Variants in EXOC4 observed in about 807,000 individuals in gnomAD.
The protein encoded by EXOC4 is SEC8-like 1.
EXOC4 carries 71 observed loss-of-function variants against 107.2 expected under a neutral mutation model. That is an observed-to-expected ratio of 0.66 (90% CI 0.55 to 0.81). The LOEUF (loss-of-function observed/expected upper bound fraction) is 0.81, where lower values mean the gene tolerates loss of function less well. Ranked by LOEUF, EXOC4 falls within the 30% of genes least tolerant of loss-of-function variation. The pLI is 0.00. For synonymous variants in EXOC4, 456 were observed against 441.2 expected (o/e 1.03, Z -0.42); for missense variants, 1,108 against 1,189.6 (o/e 0.93, Z 1.01).
intron 9 of EXOC4, among the ~76,000 whole-genome samples, chr7:133,531,596 A>C (rs1397287400): frequency 6.6e-6 from 1 of 152,142 alleles, no homozygotes; most frequent in East Asian, 1.9e-4. Flanking sequence ...TTGCAAGCAG[A>C]TTTACCACAG....
chr7:133,451,008 C>T (rs1310507302), intron 7 of EXOC4, among the ~76,000 whole-genome samples: 2 of 152,152 alleles, frequency 1.3e-5, no homozygotes, highest in African/African-American at 4.8e-5. Context: ...AACGGTTGCT[C>T]ACTTTGGTTT....
chr7:133,899,270 G>A (rs115630383), intron 12 of EXOC4, among the ~76,000 whole-genome samples: 202 of 152,166 alleles, frequency 1.3e-3, no homozygotes, highest in African/African-American at 4.5e-3. Flanking sequence ...ACTGATAGCC[G>A]TTTATATTGT....
intron 7 of EXOC4, among the ~76,000 whole-genome samples, chr7:133,467,063 C>A (rs1029745673): frequency 5.3e-5 from 8 of 152,230 alleles, no homozygotes; most frequent in African/African-American, 1.9e-4. Context: ...TTAACCTATT[C>A]ACATTATGTA....
At chr7:133,318,144 G>A (rs992817151) in intron 5 of EXOC4, among the ~76,000 whole-genome samples, 2 of 152,200 alleles carry the variant, frequency 1.3e-5, no homozygotes, top group Admixed American at 1.3e-4. Flanking sequence ...ACTTCTAAAT[G>A]TGCATGCATC....
At chr7:133,723,742 C>T (rs374222327) in intron 10 of EXOC4, among the ~76,000 whole-genome samples, 92 of 152,206 alleles carry the variant, frequency 6.0e-4, no homozygotes, top group Middle Eastern at 3.4e-3. Context: ...GTACATGCCT[C>T]GGCCTCCCAA....
At chr7:133,837,277 T>A (rs1340250362) in intron 11 of EXOC4, among the ~76,000 whole-genome samples, 1 of 152,190 alleles carries the variant, frequency 6.6e-6, no homozygotes, top group East Asian at 1.9e-4. Flanking sequence ...ACTTGTGACA[T>A]GTCTTTGCAC....
At chr7:133,862,667 A>G (rs955443789) in intron 11 of EXOC4, among the ~76,000 whole-genome samples, 62 of 152,204 alleles carry the variant, frequency 4.1e-4, no homozygotes, top group African/African-American at 1.4e-3. Context: ...GGTTTTTAGG[A>G]TGTCTACAAG....
chr7:133,959,298 G>C (rs1216331979), intron 14 of EXOC4, among the ~76,000 whole-genome samples: 1 of 152,068 alleles, frequency 6.6e-6, no homozygotes, highest in Non-Finnish European at 1.5e-5. Context: ...AATATCCCTA[G>C]AAGAAATAAG....
intron 9 of EXOC4, among the ~76,000 whole-genome samples, chr7:133,587,602 C>T (rs1017672017): frequency 6.6e-6 from 1 of 152,128 alleles, no homozygotes; most frequent in East Asian, 1.9e-4. Flanking sequence ...GGAAAATGCC[C>T]AAGTTTTAAC....
intron 10 of EXOC4, among the ~76,000 whole-genome samples, chr7:133,691,896 C>T (rs1794428250): frequency 6.6e-6 from 1 of 152,168 alleles, no homozygotes; most frequent in Non-Finnish European, 1.5e-5. Flanking sequence ...AGGAAGCCTT[C>T]ACATGGAAAA....
At chr7:133,263,109 G>A (rs1305974848) in intron 1 of EXOC4, among the ~76,000 whole-genome samples, 2 of 152,156 alleles carry the variant, frequency 1.3e-5, no homozygotes, top group East Asian at 1.9e-4. Flanking sequence ...GGCCTCCTCA[G>A]CCATGCTGAA....
intron 9 of EXOC4, among the ~76,000 whole-genome samples, chr7:133,525,347 A>G (rs1323039490): frequency 6.6e-6 from 1 of 152,170 alleles, no homozygotes; most frequent in African/African-American, 2.4e-5. Flanking sequence ...CTTAGGTTTT[A>G]TTGTAATTTT....
intron 10 of EXOC4, among the ~76,000 whole-genome samples, chr7:133,699,635 T>G (rs1312681620): frequency 6.6e-6 from 1 of 152,186 alleles, no homozygotes; most frequent in Non-Finnish European, 1.5e-5. Context: ...TAATTCCTGT[T>G]GTCAAGCAAA....
At chr7:133,401,644 C>A (rs1443118367) in intron 7 of EXOC4, among the ~76,000 whole-genome samples, 1 of 143,678 alleles carries the variant, frequency 7.0e-6, no homozygotes, top group East Asian at 2.1e-4. Context: ...CCTGGGTGAC[C>A]CTGTCTTAAA....
At chr7:133,281,944 C>G (rs1414417985) in intron 2 of EXOC4, among the ~76,000 whole-genome samples, 1 of 152,164 alleles carries the variant, frequency 6.6e-6, no homozygotes, top group African/African-American at 2.4e-5. Context: ...TTCAGGTAAT[C>G]TGCCCAACTT....
intron 17 of EXOC4, among the ~76,000 whole-genome samples, chr7:134,054,116 T>C (rs1795867811): frequency 1.3e-5 from 2 of 152,238 alleles, no homozygotes; most frequent in South Asian, 4.1e-4. Context: ...CAGCCAATTT[T>C]TTATATTTTT....
intron 1 of EXOC4, among the ~76,000 whole-genome samples, chr7:133,265,147 C>T (rs1440794492): frequency 6.6e-6 from 1 of 152,048 alleles, no homozygotes; most frequent in Admixed American, 6.6e-5. Context: ...ATATTATGTT[C>T]TGGAAAGATC....
At chr7:133,593,535 A>G (rs139660804) in intron 9 of EXOC4, among the ~76,000 whole-genome samples, 1 of 152,356 alleles carries the variant, frequency 6.6e-6, no homozygotes, top group East Asian at 1.9e-4. Flanking sequence ...ATTGACAAGA[A>G]TAACTGATGA....
chr7:133,988,028 C>A (rs1382697097), intron 14 of EXOC4, among the ~76,000 whole-genome samples: 1 of 152,196 alleles, frequency 6.6e-6, no homozygotes, highest in Non-Finnish European at 1.5e-5. Context: ...AGTCTGATTA[C>A]TTCTCCATGA....
Sources: gnomAD v4.1 joint callset for allele counts (sites outside exome capture counted in the v4.1 genomes callset) on GRCh38, gnomAD v4.1.1 for gene constraint, MANE v1.5 for transcripts, NCBI Gene and HGNC (gene_info 2026-07-23, HGNC 2026-07-21) for gene names.